Variants in AMPD3 observed in about 807,000 individuals in gnomAD.
AMPD3 encodes the protein AMP deaminase 3.
In AMPD3, 57 loss-of-function variants were observed where a neutral mutation model predicts 82.3. The ratio of observed to expected loss-of-function variants is 0.69; its 90% CI spans 0.56 to 0.86. The LOEUF (loss-of-function observed/expected upper bound fraction) is 0.86, where lower values mean the gene tolerates loss of function less well. AMPD3 is among the 40% of genes least tolerant of loss of function. The pLI is 0.00. For missense variants in AMPD3, 870 were observed against 1,003.8 expected (o/e 0.87, Z 1.80); for synonymous variants, 381 against 394.7 (o/e 0.97, Z 0.41).
intron 8 of AMPD3, 92 bp downstream of exon 8, chr11:10,495,122 CCCCT>C: frequency 6.2e-7 from 1 of 1,611,070 alleles, no homozygotes; most frequent in Non-Finnish European, 8.5e-7. Flanking sequence ...CTGGCCCCTT[CCCCT>C]CCCTCTGTGT....
intron 6 of AMPD3, among the ~76,000 whole-genome samples, chr11:10,490,817 C>A (rs576637431): frequency 3.9e-5 from 6 of 152,332 alleles, no homozygotes; most frequent in African/African-American, 1.4e-4. Flanking sequence ...CTGAGCCAGG[C>A]TGACCTTCTT....
chr11:10,475,205 C>T (rs368236957), intron 2 of AMPD3, among the ~76,000 whole-genome samples: 12 of 152,120 alleles, frequency 7.9e-5, no homozygotes, highest in African/African-American at 2.9e-4. Flanking sequence ...CAAGAGGCAG[C>T]GAGAGTGGGT....
At chr11:10,488,988 C>T (rs1443645424) in intron 6 of AMPD3, among the ~76,000 whole-genome samples, 1 of 152,196 alleles carries the variant, frequency 6.6e-6, no homozygotes, top group African/African-American at 2.4e-5. Context: ...CAGACTCCCA[C>T]TTGGATGGGA....
chr11:10,467,532 C>G (rs1312947011), intron 2 of AMPD3, among the ~76,000 whole-genome samples: 1 of 152,148 alleles, frequency 6.6e-6, no homozygotes, highest in African/African-American at 2.4e-5. Context: ...AAGACCAAAC[C>G]TACGTTTGAT....
intron 4 of AMPD3, among the ~76,000 whole-genome samples, chr11:10,483,181 G>A (rs1457755003): frequency 2.6e-5 from 4 of 152,168 alleles, no homozygotes. Context: ...CCGAGTTCAG[G>A]GAAGGGGAGG....
intron 13 of AMPD3, 83 bp downstream of exon 13, chr11:10,502,977 T>C: frequency 1.3e-6 from 2 of 1,509,906 alleles, no homozygotes; most frequent in Non-Finnish European, 1.8e-6. Context: ...CCTGAGCCCA[T>C]GGCTTAGTTC....
intron 10 of AMPD3, 165 bp from the exon 11 acceptor site, chr11:10,499,921 C>T: frequency 1.0e-6 from 1 of 983,152 alleles, no homozygotes. Context: ...ACTTTTCATC[C>T]CTGGGAGGAA....
chr11:10,450,812 C>A (rs1438923249), upstream of AMPD3: 2 of 1,187,424 alleles, frequency 1.7e-6, no homozygotes, highest in East Asian at 7.6e-5. Context: ...TTCCTCCCTG[C>A]TGAGGCGGCC....
intron 2 of AMPD3, among the ~76,000 whole-genome samples, chr11:10,468,869 G>A (rs964238877): frequency 6.6e-6 from 1 of 152,182 alleles, no homozygotes; most frequent in African/African-American, 2.4e-5. Context: ...CATGGAAACT[G>A]AAAAATCTGC....
chr11:10,501,017 C>G, intron 11 of AMPD3: 3 of 985,342 alleles, frequency 3.0e-6, no homozygotes, highest in Non-Finnish European at 3.6e-6. Flanking sequence ...CTGGGCTGAG[C>G]TTTTGGAGAT....
chr11:10,487,365 G>A lies in AMPD3; in HGVS notation c.939+1G>A. 1.2e-6 allele frequency: 2 copies of A among 1,614,036 alleles called. No individual in the cohort carries two copies. Among genetic ancestry groups the A allele is most frequent in the Non-Finnish European group, 1.7e-6 (2 of 1,179,924 alleles). On this transcript the variant is annotated splice_donor_variant, in intron 6 of 14. Transcript: ENST00000396553. LOFTEE classifies it high-confidence loss of function. ...CCGGGACTTCTATAACGTGAGAAAG[G>A]TGCGTTAGGGGCGAGTGTTCACAGC...
At chr11:10,457,195 T>A (rs1848122158) in intron 1 of AMPD3, among the ~76,000 whole-genome samples, 1 of 151,882 alleles carries the variant, frequency 6.6e-6, no homozygotes, top group African/African-American at 2.4e-5. Flanking sequence ...TGCACCAGGC[T>A]GATCTCGAAC....
intron 2 of AMPD3, chr11:10,473,678 C>T (rs11042828): frequency 0.046 from 38,940 of 843,672 alleles, 1,466 homozygotes; most frequent in South Asian, 0.22. Context: ...TGTTATAGTG[C>T]CCATCGTGCA....
Position 10,456,519 on chromosome 11 carries a change from G to T in AMPD3, c.-6+1071G>T. ...CTTTCTGGAGGGACTGTGGCACCAT[G>T]AAAAGTTACTGTTTGTTGAAACTGG... On this transcript the variant is annotated intron_variant, in intron 1 of 14. Coordinates refer to ENST00000396553, the MANE Select transcript of AMPD3 (RefSeq NM_001025389.2). This position sits in a 1 kb window ranked among gnomAD's most constrained non-coding sequence, Gnocchi z 4.3. The T allele has an allele frequency of 6.2e-7, 1 of 1,608,196 alleles. No homozygotes were observed. The highest frequency in any genetic ancestry group is 1.1e-5 in the South Asian group (1 of 90,362).
At chr11:10,470,194 A>T (rs10840422) in intron 2 of AMPD3, among the ~76,000 whole-genome samples, 64,375 of 152,056 alleles carry the variant, frequency 0.42, 14,018 homozygotes, top group East Asian at 0.67. Context: ...CATCGCATAA[A>T]CAGAACCAAT....
At position 10,468,681 on chromosome 11, in the gene AMPD3, G is replaced by A. The variant is rs184716108; in HGVS notation, c.221+6941G>A. ...GAACAAGCTCCAACCCAAATCAACA[G>A]AATATACATTCTTCTCAGCACCTCA... is the stretch of plus-strand genomic sequence containing the variant. On this transcript the variant is annotated intron_variant, in intron 2 of 14. Coordinates refer to ENST00000396553, the MANE Select transcript of AMPD3 (RefSeq NM_001025389.2). 1.7e-3 allele frequency among the ~76,000 whole-genome samples: 265 copies of A among 152,028 alleles called. 2 individuals are homozygous for A. Among genetic ancestry groups the A allele is most frequent in the African/African-American group, 6.0e-3 (250 of 41,524 alleles).
chr11:10,457,441 C>T (rs1275946280), intron 1 of AMPD3, among the ~76,000 whole-genome samples: 2 of 152,100 alleles, frequency 1.3e-5, no homozygotes, highest in Non-Finnish European at 2.9e-5. Context: ...TGGAATGCAA[C>T]ATCTCCCAAT....
intron 3 of AMPD3, chr11:10,481,448 T>C: frequency 1.0e-6 from 1 of 985,386 alleles, no homozygotes; most frequent in African/African-American, 1.7e-5. Flanking sequence ...TGAGGCCGGC[T>C]TCTGGGTGTG....
chr11:10,505,353 G>A (rs917674296), intron 14 of AMPD3: 2 of 961,070 alleles, frequency 2.1e-6, no homozygotes, highest in African/African-American at 4.1e-5. Flanking sequence ...CCCTCCCCAG[G>A]AACATTGTCC....
Sources: allele counts gnomAD v4.1 joint callset (sites outside exome capture counted in the v4.1 genomes callset), GRCh38; gene constraint gnomAD v4.1.1; non-coding constraint Gnocchi (gnomAD v3.1); transcripts MANE v1.5; gene names NCBI Gene and HGNC (gene_info 2026-07-23, HGNC 2026-07-21).